SYTL3: variants seen among roughly 807,000 people sequenced by gnomAD.
The protein encoded by SYTL3 is synaptotagmin-like protein 3.
SYTL3 carries 88 observed loss-of-function variants against 82.1 expected under a neutral mutation model. The ratio of observed to expected loss-of-function variants is 1.07; its 90% CI spans 0.90 to 1.28. The LOEUF is 1.28. SYTL3 is among the 50% of genes most tolerant of loss of function. The pLI is 0.00. For synonymous variants in SYTL3, 311 were observed against 289.4 expected, an observed-to-expected ratio of 1.07 and a Z score of -0.76; for missense variants, 831 against 757.6, an observed-to-expected ratio of 1.10 and a Z score of -1.14.
chr6:158,699,965 A>T (rs1159592351), intron 6 of SYTL3, among the ~76,000 whole-genome samples: 1 of 145,866 alleles, frequency 6.9e-6, no homozygotes, highest in Non-Finnish European at 1.5e-5. Context: ...GAATAATAAA[A>T]AATAAATAGG....
At chr6:158,726,703 GT>G in intron 11 of SYTL3, 8 of 274,448 alleles carry the variant, frequency 2.9e-5, no homozygotes, top group South Asian at 5.5e-5. Context: ...ATTCAGCACT[GT>G]TTTCCCCAGC....
Position 158,762,098 on chromosome 6 carries a change from T to C in SYTL3, c.1437T>C (p.His479=). The change falls in exon 16 of 18, where the codon CAT becomes CAC. Residue 479 remains histidine, a synonymous_variant. Coordinates refer to ENST00000611299, the MANE Select transcript of SYTL3 (RefSeq NM_001242394.2). ...CAGGGACAGATCAGCCATCACTTCA[T>C]GGTCAACTTTGTTTGGTAGTGCTAG... ...AQEGTDQPSL[H]GQLCLVVLGA... The C allele has an allele frequency of 1.9e-6, 3 of 1,613,968 alleles. No individual in the cohort carries two copies. Among genetic ancestry groups the C allele is most frequent in the Non-Finnish European group, 2.5e-6 (3 of 1,179,922 alleles).
intron 8 of SYTL3, among the ~76,000 whole-genome samples, chr6:158,712,557 T>C (rs1204551641): frequency 6.6e-6 from 1 of 152,122 alleles, no homozygotes; most frequent in East Asian, 1.9e-4. Context: ...CCCATAATTG[T>C]GATTTTGGGG....
At chr6:158,735,640 C>A (rs1427137602) in intron 11 of SYTL3, among the ~76,000 whole-genome samples, 1 of 152,080 alleles carries the variant, frequency 6.6e-6, no homozygotes, top group Non-Finnish European at 1.5e-5. Context: ...AAACAAAAAA[C>A]AAAAAACCCA....
At chr6:158,711,002 G>C (rs1160241278) in intron 8 of SYTL3, among the ~76,000 whole-genome samples, 3 of 152,024 alleles carry the variant, frequency 2.0e-5, no homozygotes, top group African/African-American at 7.2e-5. Flanking sequence ...GGCTGCTTTT[G>C]ACCTCCTGAT....
intron 8 of SYTL3, among the ~76,000 whole-genome samples, chr6:158,713,424 G>C (rs74925648): frequency 0.016 from 2,502 of 152,210 alleles, 26 homozygotes; most frequent in Middle Eastern, 0.041. Flanking sequence ...GAGTTGGGGT[G>C]GGGCCATTGG....
chr6:158,736,759 G>A (rs1227256867), intron 11 of SYTL3, among the ~76,000 whole-genome samples: 1 of 147,954 alleles, frequency 6.8e-6, no homozygotes, highest in East Asian at 2.0e-4. Flanking sequence ...TTGTACTCCA[G>A]CCTGGGCGAC....
rs1383309663 is a variant in SYTL3 at position 158,701,252 on chromosome 6, GT to G, written c.395-5977del. Reference sequence around the variant, plus strand: ...TGTGAGCTGGGGTGTAGATGAAGGAGTGTGAGCTGGGGTGTAGATGAAGGAG... The same window carrying G: ...TGTGAGCTGGGGTGTAGATGAAGGAGGTGAGCTGGGGTGTAGATGAAGGAG... On this transcript the variant is annotated intron_variant, in intron 6 of 17. Transcript: ENST00000611299. 9.5e-3 allele frequency among the ~76,000 whole-genome samples: 99 copies of G among 10,450 alleles called. 44 individuals carry two copies. Among genetic ancestry groups the G allele is most frequent in the African/African-American group, 0.084 (92 of 1,098 alleles). The allele number at this position is 10,450 out of a possible 152,430, so 6.9% of individuals were successfully genotyped here. A position where few individuals can be genotyped will look rare whatever the true frequency, so the allele number is the denominator to read the frequency against.
rs1289960375 is a variant in SYTL3, at chr6:158,751,983, G to A, written c.1090G>A (p.Gly364Arg). 1.9e-6 allele frequency: 3 copies of A among 1,602,112 alleles called. No homozygotes were observed. The highest frequency in any genetic ancestry group is 2.7e-5 in the African/African-American group (2 of 74,162). ...ATCCTCCCAGGGAAAGCGCAAGACT[G>A]GAGTCCAAAGGAACACCGTGGACCC... The part of the protein sequence containing the change: ...DRSSQGKRKT[G>R]VQRNTVDPTF... The change falls in exon 13 of 18, where the codon GGA becomes AGA. Residue 364 changes from glycine (G) to arginine (R), a missense_variant. Gly to Arg is a moderately radical substitution (Grantham distance 125). Transcript: ENST00000611299.
At chr6:158,661,808 C>T (rs1284062722) in intron 3 of SYTL3, among the ~76,000 whole-genome samples, 1 of 152,208 alleles carries the variant, frequency 6.6e-6, no homozygotes, top group African/African-American at 2.4e-5. Context: ...TTGTAGCTAT[C>T]TCAAGACATT....
At chr6:158,668,190 C>T (rs573268189) in intron 5 of SYTL3, among the ~76,000 whole-genome samples, 3 of 151,834 alleles carry the variant, frequency 2.0e-5, no homozygotes, top group Admixed American at 6.6e-5. Context: ...AGTCCTCTCC[C>T]GCCTGCTAGG....
At chr6:158,693,926 C>T (rs1040885813) in intron 6 of SYTL3, among the ~76,000 whole-genome samples, 2 of 142,274 alleles carry the variant, frequency 1.4e-5, no homozygotes, top group South Asian at 2.2e-4. Context: ...CTCCTGAGTT[C>T]AAGTGATCCA....
intron 13 of SYTL3, among the ~76,000 whole-genome samples, chr6:158,753,980 G>A (rs1282736772): frequency 2.0e-5 from 3 of 152,006 alleles, no homozygotes. Context: ...CATAAGATGC[G>A]AAGGATGGGA....
At chr6:158,664,776 C>T (rs1404461793) in intron 4 of SYTL3, among the ~76,000 whole-genome samples, 9 of 152,076 alleles carry the variant, frequency 5.9e-5, no homozygotes, top group Non-Finnish European at 1.3e-4. Flanking sequence ...GGGATTGGCT[C>T]ATCTTTTCTA....
At chr6:158,701,549 G>GC (rs1781301992) in intron 6 of SYTL3, among the ~76,000 whole-genome samples, 3 of 129,424 alleles carry the variant, frequency 2.3e-5, no homozygotes, top group African/African-American at 1.0e-4. Context: ...AGCTGTTCTG[G>GC]GGGGGAGGAG....
chr6:158,726,695 TC>T, intron 11 of SYTL3: 1 of 281,626 alleles, frequency 3.6e-6, no homozygotes, highest in Non-Finnish European at 7.1e-6. Flanking sequence ...CTTCGTTCAT[TC>T]AGCACTGTTT....
chr6:158,657,630 T>A (rs1221496330), intron 2 of SYTL3, among the ~76,000 whole-genome samples: 2 of 152,142 alleles, frequency 1.3e-5, no homozygotes, highest in Non-Finnish European at 2.9e-5. Context: ...GGATAGTGAA[T>A]GATAATATGT....
intron 10 of SYTL3, among the ~76,000 whole-genome samples, chr6:158,723,241 C>T (rs370793497): frequency 4.6e-5 from 7 of 151,602 alleles, no homozygotes; most frequent in Admixed American, 4.0e-4. Flanking sequence ...ACTACAGGCA[C>T]GTGCTAATTT....
chr6:158,680,323 G>T (rs770708865), intron 5 of SYTL3, among the ~76,000 whole-genome samples: 1 of 152,138 alleles, frequency 6.6e-6, no homozygotes, highest in African/African-American at 2.4e-5. Flanking sequence ...TGTTGATGTA[G>T]GGGATTAGAT....
Sources: allele counts gnomAD v4.1 joint callset (sites outside exome capture counted in the v4.1 genomes callset), GRCh38; gene constraint gnomAD v4.1.1; transcripts MANE v1.5; gene names NCBI Gene and HGNC (gene_info 2026-07-23, HGNC 2026-07-21).